PRIM2: variants seen among roughly 807,000 people sequenced by gnomAD.
The protein encoded by PRIM2 is DNA primase large subunit.
In PRIM2, 39 loss-of-function variants were observed where a neutral mutation model predicts 67.3. The observed-to-expected ratio is 0.58, with a 90% CI of 0.45 to 0.76. The LOEUF (loss-of-function observed/expected upper bound fraction) is 0.76. Among genes scored for constraint, PRIM2 ranks in the 30% least tolerant of loss-of-function variants. The pLI is 0.00. For missense variants in PRIM2, 398 were observed against 598.7 expected, an observed-to-expected ratio of 0.66 and a Z score of 3.50; for synonymous variants, 143 against 198.7, an observed-to-expected ratio of 0.72 and a Z score of 2.36.
intron 5 of PRIM2, among the ~76,000 whole-genome samples, chr6:57,353,290 G>C (rs1247399319): frequency 2.6e-5 from 4 of 152,128 alleles, no homozygotes; most frequent in Non-Finnish European, 5.9e-5. Flanking sequence ...TTTTGGAACT[G>C]TTTGGTTGAT....
At chr6:57,461,215 G>A (rs1175780483) in intron 7 of PRIM2, among the ~76,000 whole-genome samples, 4 of 152,216 alleles carry the variant, frequency 2.6e-5, no homozygotes, top group Admixed American at 6.5e-5. Flanking sequence ...CCCTTGGTAA[G>A]TAAGTGGCTT....
chr6:57,356,693 A>AT (rs1310827725), intron 5 of PRIM2, among the ~76,000 whole-genome samples: 1 of 152,188 alleles, frequency 6.6e-6, no homozygotes, highest in Non-Finnish European at 1.5e-5. Flanking sequence ...CACTTTTTAC[A>AT]TTTGAATTCA....
At chr6:57,590,060 G>A (rs1776259620) in intron 10 of PRIM2, among the ~76,000 whole-genome samples, 2 of 152,186 alleles carry the variant, frequency 1.3e-5, no homozygotes, top group Non-Finnish European at 2.9e-5. Context: ...TTCTAGCTGA[G>A]TAGATGCCTT....
rs547154424 is a variant in PRIM2, at chr6:57,384,179, A to G, written c.693+2011A>G. 1.3e-3 allele frequency among the ~76,000 whole-genome samples: 192 copies of G among 152,296 alleles called. 5 individuals carry two copies. In the East Asian group the frequency reaches 0.016, roughly 13 times the overall value. ...AGGCTTTATTTCTATATAGCATACT[A>G]TCTGAAAGAGTTTCTTTGTCCCTGG... is the stretch of plus-strand genomic sequence containing the variant. On this transcript the variant is annotated intron_variant, in intron 7 of 13. Transcript: ENST00000615550.
At chr6:57,436,527 G>A (rs1161625628) in intron 7 of PRIM2, among the ~76,000 whole-genome samples, 2 of 152,138 alleles carry the variant, frequency 1.3e-5, no homozygotes, top group East Asian at 3.8e-4. Flanking sequence ...CTGAACACTG[G>A]GGAGTGTTCA....
At chr6:57,516,422 T>C (rs1774488746) in intron 8 of PRIM2, among the ~76,000 whole-genome samples, 1 of 152,200 alleles carries the variant, frequency 6.6e-6, no homozygotes, top group African/African-American at 2.4e-5. Flanking sequence ...TTATGTAGAA[T>C]ACTAACGTTT....
At chr6:57,538,439 G>A (rs1775044708) in intron 10 of PRIM2, among the ~76,000 whole-genome samples, 1 of 152,078 alleles carries the variant, frequency 6.6e-6, no homozygotes, top group Non-Finnish European at 1.5e-5. Context: ...CTCTTTAATA[G>A]TGCCAGCTAA....
At chr6:57,567,058 A>G (rs1225184549) in intron 10 of PRIM2, among the ~76,000 whole-genome samples, 1 of 152,060 alleles carries the variant, frequency 6.6e-6, no homozygotes, top group Non-Finnish European at 1.5e-5. Flanking sequence ...ACTCAATATC[A>G]TTTTGCTTTT....
intron 10 of PRIM2, among the ~76,000 whole-genome samples, chr6:57,574,373 G>T (rs1775923677): frequency 6.6e-6 from 1 of 151,890 alleles, no homozygotes; most frequent in Non-Finnish European, 1.5e-5. Context: ...CACTACTATT[G>T]CCTCCCACTT....
At chr6:57,624,624 G>A (rs1776914610) in intron 12 of PRIM2, among the ~76,000 whole-genome samples, 1 of 152,176 alleles carries the variant, frequency 6.6e-6, no homozygotes, top group Admixed American at 6.5e-5. Flanking sequence ...TGTGCCTAAT[G>A]TAAGGCAGAT....
chr6:57,419,209 A>G (rs1771380600), intron 7 of PRIM2, among the ~76,000 whole-genome samples: 1 of 151,808 alleles, frequency 6.6e-6, no homozygotes, highest in Non-Finnish European at 1.5e-5. Flanking sequence ...CGAGTGTGAG[A>G]GATGTGCCCT....
At chr6:57,353,122 G>A (rs1210755124) in intron 5 of PRIM2, among the ~76,000 whole-genome samples, 3 of 127,916 alleles carry the variant, frequency 2.3e-5, no homozygotes, top group Admixed American at 9.1e-5. Context: ...GTCTAATTGA[G>A]ACCCATGGTG....
At chr6:57,590,538 G>A (rs1280020252) in intron 10 of PRIM2, among the ~76,000 whole-genome samples, 1,673 of 152,230 alleles carry the variant, frequency 0.011, 26 homozygotes, top group African/African-American at 0.038. Flanking sequence ...TCACGGGTAA[G>A]GGGATTCTGG....
intron 12 of PRIM2, among the ~76,000 whole-genome samples, chr6:57,630,966 C>T (rs1190169125): frequency 5.9e-5 from 9 of 152,244 alleles, no homozygotes; most frequent in Admixed American, 3.3e-4. Flanking sequence ...TGGCAGAAAC[C>T]TGGCCTCTGT....
intron 5 of PRIM2, among the ~76,000 whole-genome samples, chr6:57,337,144 C>T (rs1229343120): frequency 6.6e-6 from 1 of 152,184 alleles, no homozygotes; most frequent in African/African-American, 2.4e-5. Flanking sequence ...GGGATCAATT[C>T]AATAAGAAGA....
chr6:57,440,109 A>T (rs1772155266), intron 7 of PRIM2, among the ~76,000 whole-genome samples: 1 of 151,118 alleles, frequency 6.6e-6, no homozygotes, highest in African/African-American at 2.4e-5. Context: ...ATGTAGAAGT[A>T]ACCACCATTT....
At chr6:57,246,780 C>T in the PRIM2 span, among the ~76,000 whole-genome samples, 2 of 152,140 alleles carry the variant, frequency 1.3e-5, no homozygotes, top group African/African-American at 2.4e-5. Flanking sequence ...GATTCTCTCA[C>T]CTGCCAGTTT....
intron 7 of PRIM2, among the ~76,000 whole-genome samples, chr6:57,409,135 C>T (rs1391199751): frequency 3.3e-5 from 5 of 150,900 alleles, no homozygotes; most frequent in African/African-American, 1.2e-4. Flanking sequence ...GTTTCCAGTT[C>T]TTGGCTATTA....
chr6:57,309,757 G>A, the PRIM2 span, among the ~76,000 whole-genome samples: 1 of 152,136 alleles, frequency 6.6e-6, no homozygotes, highest in Non-Finnish European at 1.5e-5. Context: ...TTCCACAATG[G>A]TTGAACTAGT....
Sources: allele counts gnomAD v4.1 joint callset (sites outside exome capture counted in the v4.1 genomes callset), GRCh38; gene constraint gnomAD v4.1.1; transcripts MANE v1.5; gene names NCBI Gene and HGNC (gene_info 2026-07-23, HGNC 2026-07-21).